ZNF407: variants seen among roughly 807,000 people sequenced by gnomAD.
The protein encoded by ZNF407 is zinc finger protein 407.
In ZNF407, 17 loss-of-function variants were observed where a neutral mutation model predicts 131.2. The observed-to-expected ratio is 0.13, with a 90% confidence interval of 0.09 to 0.19. The LOEUF is 0.19. ZNF407 is among the 10% of genes least tolerant of loss of function. The pLI is 1.00. For synonymous variants in ZNF407, 1,156 were observed against 1,062.0 expected (o/e 1.09, Z -1.72); for missense variants, 2,681 against 2,830.6 (o/e 0.95, Z 1.20).
chr18:75,054,094 G>A (rs551629821), intron 8 of ZNF407, among the ~76,000 whole-genome samples: 58 of 152,344 alleles, frequency 3.8e-4, no homozygotes, highest in African/African-American at 1.4e-3. Context: ...CACCAACTCC[G>A]TTGGAAAGAG....
At chr18:74,848,565 T>C (rs1367834348) in intron 4 of ZNF407, among the ~76,000 whole-genome samples, 1 of 152,148 alleles carries the variant, frequency 6.6e-6, no homozygotes, top group East Asian at 1.9e-4. Context: ...AAATAAAATA[T>C]AACAAAGAAA....
At chr18:74,857,754 C>A (rs1045964086) in intron 4 of ZNF407, among the ~76,000 whole-genome samples, 8 of 151,920 alleles carry the variant, frequency 5.3e-5, no homozygotes. Flanking sequence ...GTACTTGAAT[C>A]CTTTTGTCCA....
chr18:74,599,332 G>GTA (rs1254291633), intron 1 of ZNF407, among the ~76,000 whole-genome samples: 1 of 152,024 alleles, frequency 6.6e-6, no homozygotes, highest in Admixed American at 6.6e-5. Context: ...CTTTATTTCG[G>GTA]AATAAATTAA....
In ZNF407 at chr18:75,025,071, C is replaced by T. The variant is rs540838138; in HGVS notation, c.5429-38079C>T. Among the ~76,000 whole-genome samples, 227 of 152,264 alleles carry T rather than the reference C, an allele frequency of 1.5e-3. 1 individual carries two copies. The highest frequency in any genetic ancestry group is 3.3e-3 in the Admixed American group (51 of 15,298). On this transcript the variant is annotated intron_variant, in intron 8 of 8. Transcript: ENST00000299687. Reference sequence around the variant, plus strand: ...TTGCACATGTGACAGCTTCAACAGCCGTCGCGCAAAATGCATAGAGCTTGT... The same window carrying T: ...TTGCACATGTGACAGCTTCAACAGCTGTCGCGCAAAATGCATAGAGCTTGT...
chr18:74,641,014 A>G lies in ZNF407; in HGVS notation c.4694A>G (p.Lys1565Arg). ...LAHIRTHTGS[K>R]PFKCKICHFA... The stretch of plus-strand genomic sequence containing the variant: ...TTATGTTAAATTTACTCAGGATCAA[A>G]ACCATTCAAGTGCAAGATATGCCAT... Residue 1565 changes from lysine (K) to arginine (R), a missense_variant, in exon 3 of 9, where the codon AAA becomes AGA. Coordinates refer to ENST00000299687, the MANE Select transcript of ZNF407 (RefSeq NM_017757.3). 6.2e-7 allele frequency: 1 copy of G among 1,612,804 alleles called. No homozygotes were observed. Among genetic ancestry groups the G allele is most frequent in the Non-Finnish European group, 8.5e-7 (1 of 1,178,940 alleles).
chr18:75,021,606 TA>T (rs1973111414), intron 8 of ZNF407, among the ~76,000 whole-genome samples: 1 of 152,110 alleles, frequency 6.6e-6, no homozygotes, highest in East Asian at 1.9e-4. Context: ...CAAGTCAATG[TA>T]AAAGGGAAAT....
At chr18:74,818,923 G>T (rs922655560) in intron 4 of ZNF407, among the ~76,000 whole-genome samples, 2 of 147,794 alleles carry the variant, frequency 1.4e-5, no homozygotes, top group Non-Finnish European at 3.0e-5. Flanking sequence ...CATGACTCTT[G>T]ATAAATCATA....
At chr18:74,763,517 A>G (rs1969148840) in intron 3 of ZNF407, among the ~76,000 whole-genome samples, 1 of 151,474 alleles carries the variant, frequency 6.6e-6, no homozygotes, top group African/African-American at 2.4e-5. Context: ...GAAGGTTACA[A>G]CTTTTTTTCT....
At chr18:74,650,978 C>G (rs1381676762) in intron 3 of ZNF407, among the ~76,000 whole-genome samples, 1 of 151,862 alleles carries the variant, frequency 6.6e-6, no homozygotes, top group African/African-American at 2.4e-5. Context: ...ATATTTCCCC[C>G]CTTAGCTTGG....
At position 74,878,447 on chromosome 18, in the gene ZNF407, A is replaced by C. The variant is rs542515311; in HGVS notation, c.5044+1084A>C. ...TCCTTGACAAGGGTGTTGACGATTT[A>C]AGGTCTCCAGCCTGCCCTGAGAGAT... is the stretch of plus-strand genomic sequence containing the variant. On this transcript the variant is annotated intron_variant, in intron 5 of 8. Coordinates refer to ENST00000299687, the MANE Select transcript of ZNF407 (RefSeq NM_017757.3). 2.0e-5 allele frequency among the ~76,000 whole-genome samples: 3 copies of C among 152,194 alleles called. No individual in the cohort carries two copies. In the South Asian group the frequency reaches 6.2e-4, roughly 32 times the overall value.
At chr18:74,841,241 C>T (rs533100496) in intron 4 of ZNF407, among the ~76,000 whole-genome samples, 7 of 152,284 alleles carry the variant, frequency 4.6e-5, no homozygotes, top group Admixed American at 6.5e-5. Flanking sequence ...CCATTCTTTT[C>T]GTAGGCTGAA....
At chr18:74,778,064 G>T (rs2145018029) in intron 3 of ZNF407, among the ~76,000 whole-genome samples, 1 of 152,262 alleles carries the variant, frequency 6.6e-6, no homozygotes, top group African/African-American at 2.4e-5. Context: ...GCAAAAGTAA[G>T]TTGGACAAGT....
chr18:74,670,555 A>C (rs189206792), intron 3 of ZNF407, among the ~76,000 whole-genome samples: 4 of 152,344 alleles, frequency 2.6e-5, no homozygotes, highest in African/African-American at 9.6e-5. Flanking sequence ...GGAATAAAAA[A>C]CTATTCCAAA....
At chr18:74,803,927 G>A in intron 4 of ZNF407, 5 of 1,548,810 alleles carry the variant, frequency 3.2e-6, no homozygotes, top group Non-Finnish European at 4.4e-6. Context: ...TTGAAAACAT[G>A]AAGCAATTTA....
chr18:74,745,079 C>T (rs1237992987), intron 3 of ZNF407, among the ~76,000 whole-genome samples: 1 of 152,084 alleles, frequency 6.6e-6, no homozygotes, highest in Non-Finnish European at 1.5e-5. Context: ...CATTCAGACT[C>T]ACCTGAAAGT....
At chr18:74,936,313 T>G (rs1005940479) in intron 8 of ZNF407, among the ~76,000 whole-genome samples, 2 of 152,210 alleles carry the variant, frequency 1.3e-5, no homozygotes, top group Non-Finnish European at 2.9e-5. Flanking sequence ...TGCATAGTCA[T>G]TTTCACTCAA....
intron 8 of ZNF407, among the ~76,000 whole-genome samples, chr18:75,028,210 G>A (rs1973194034): frequency 6.6e-6 from 1 of 152,222 alleles, no homozygotes; most frequent in African/African-American, 2.4e-5. Flanking sequence ...AGCACCATGG[G>A]CTGGGCGGCT....
chr18:74,981,252 G>A (rs907889829), intron 8 of ZNF407, among the ~76,000 whole-genome samples: 4 of 152,218 alleles, frequency 2.6e-5, no homozygotes, highest in South Asian at 2.1e-4. Flanking sequence ...AGGGTGAGGC[G>A]GGGCACGGGC....
intron 8 of ZNF407, among the ~76,000 whole-genome samples, chr18:74,955,296 T>C (rs1229354217): frequency 2.0e-5 from 3 of 152,068 alleles, no homozygotes; most frequent in African/African-American, 7.2e-5. Context: ...GAGAGAGTAG[T>C]TTAATTCTGG....
Sources: allele counts gnomAD v4.1 joint callset (sites outside exome capture counted in the v4.1 genomes callset), GRCh38; gene constraint gnomAD v4.1.1; transcripts MANE v1.5; gene names NCBI Gene and HGNC (gene_info 2026-07-23, HGNC 2026-07-21).